SPDL1: variants seen among roughly 807,000 people sequenced by gnomAD.
The protein encoded by SPDL1 is spindle apparatus coiled-coil protein 1, also known as protein Spindly.
A neutral mutation model predicts 79.5 loss-of-function variants in SPDL1; 85 were observed. That is an observed-to-expected ratio of 1.07 (90% CI 0.90 to 1.28). The LOEUF is 1.28. SPDL1 is among the 50% of genes most tolerant of loss of function. The pLI, the probability that SPDL1 is intolerant of heterozygous loss-of-function variation, is 0.00. For synonymous variants in SPDL1, 269 were observed against 240.3 expected (o/e 1.12, Z -1.10); for missense variants, 703 against 697.8 (o/e 1.01, Z -0.08).
rs1581318803 is a variant in SPDL1 at position 169,601,204 on chromosome 5, T to A, written c.1325-76T>A. On this transcript the variant is annotated intron_variant, in intron 10 of 11. Transcript: ENST00000265295. ...GAATGGAAAAAGGTATACATATAAC[T>A]AGTTCTGGCTTCTTGTGTTGATTGT... 1.0e-5 allele frequency: 13 copies of A among 1,302,616 alleles called. No homozygotes were observed. In the South Asian group the frequency reaches 1.7e-4, roughly 17 times the overall value. The allele number at this position is 1,302,616 out of a possible 1,614,324, so 80.7% of individuals were successfully genotyped here.
intron 3 of SPDL1, 23 bp downstream of exon 3, chr5:169,591,247 G>T (rs1245615998): frequency 6.3e-7 from 1 of 1,598,982 alleles, no homozygotes; most frequent in Non-Finnish European, 8.5e-7. Context: ...GCGTATTTCA[G>T]CACAAAATAT....
chr5:169,598,255 C>G (rs1755693216), intron 8 of SPDL1, among the ~76,000 whole-genome samples: 1 of 152,164 alleles, frequency 6.6e-6, no homozygotes, highest in African/African-American at 2.4e-5. Flanking sequence ...GTTCTCTCTT[C>G]TTGGTTTACT....
intron 11 of SPDL1, among the ~76,000 whole-genome samples, chr5:169,602,539 T>C (rs946048345): frequency 2.6e-5 from 4 of 152,206 alleles, no homozygotes; most frequent in African/African-American, 9.7e-5. Flanking sequence ...GGAGACAGAT[T>C]AATAAGACAT....
intron 3 of SPDL1, among the ~76,000 whole-genome samples, chr5:169,591,486 A>G (rs975829579): frequency 2.0e-5 from 3 of 152,204 alleles, no homozygotes; most frequent in Admixed American, 6.5e-5. Context: ...AGTGACTAGC[A>G]TGGCCTCCTT....
intron 6 of SPDL1, 25 bp from the exon 7 acceptor site, chr5:169,594,546 A>T: frequency 6.2e-7 from 1 of 1,611,816 alleles, no homozygotes; most frequent in Non-Finnish European, 8.5e-7. Flanking sequence ...CTACCAGAAC[A>T]ATTAAGCATG....
intron 2 of SPDL1, 199 bp downstream of exon 2, chr5:169,588,774 A>T: frequency 2.4e-6 from 1 of 413,570 alleles, no homozygotes; most frequent in Non-Finnish European, 4.2e-6. Context: ...TCAGAGTTTG[A>T]AAGATCAAGT....
At position 169,594,405 on chromosome 5, in the gene SPDL1, A is replaced by C. The variant is rs575718505; in HGVS notation, c.693A>C (p.Val231=). 4 of 1,614,108 alleles carry C rather than the reference A, an allele frequency of 2.5e-6. No homozygotes were observed. The highest frequency in any genetic ancestry group is 2.5e-6 in the Non-Finnish European group (3 of 1,179,946). Residue 231 remains valine, a synonymous_variant, in exon 6 of 12, where the codon GTA becomes GTC. Transcript: ENST00000265295. ...SYYNALEKAR[V]ANQDLQVQLD... is the part of the protein sequence containing the mutation. Reference sequence around the variant, plus strand: ...TCTTTTGAATTTAGAAAGCTCGTGTAGCAAATCAAGATCTTCAGGTACAGT... The same window carrying C: ...TCTTTTGAATTTAGAAAGCTCGTGTCGCAAATCAAGATCTTCAGGTACAGT...
At chr5:169,597,034 GTT>G (rs1755622165) in intron 8 of SPDL1, among the ~76,000 whole-genome samples, 1 of 152,030 alleles carries the variant, frequency 6.6e-6, no homozygotes, top group African/African-American at 2.4e-5. Flanking sequence ...TATCCTATGA[GTT>G]ATAATCCATT....
At chr5:169,599,675 G>A (rs1383977973) in intron 10 of SPDL1, among the ~76,000 whole-genome samples, 2 of 152,208 alleles carry the variant, frequency 1.3e-5, no homozygotes, top group Non-Finnish European at 2.9e-5. Flanking sequence ...ATCCTGTGGA[G>A]CAGAATTTAG....
At chr5:169,596,383 A>G (rs1755578535) in intron 7 of SPDL1, among the ~76,000 whole-genome samples, 178 bp from the exon 8 acceptor site, 1 of 152,202 alleles carries the variant, frequency 6.6e-6, no homozygotes, top group Non-Finnish European at 1.5e-5. Flanking sequence ...AGTAGTCAAA[A>G]TAAGTATTCA....
intron 3 of SPDL1, among the ~76,000 whole-genome samples, chr5:169,592,203 A>T (rs1422141824): frequency 9.9e-4 from 128 of 128,850 alleles, no homozygotes; most frequent in Admixed American, 2.9e-3. Context: ...CAATGAAAGT[A>T]TTTTTTTTTC....
rs1755119125 is a variant in SPDL1, at chr5:169,588,743, ATTC to A, written c.159+171_159+173del. ...AGAATGAACTAAATGAATTCCTGTT[ATTC>A]TTTCCACCCTAGTGTATTCAGAGTT... On this transcript the variant is annotated intron_variant, in intron 2 of 11. Transcript: ENST00000265295. 3 of 522,702 alleles carry A rather than the reference ATTC, an allele frequency of 5.7e-6. No individual in the cohort carries two copies. The South Asian group carries it at 1.0e-4, about 18-fold the overall frequency. 32.4% of individuals were successfully genotyped at this position (522,702 alleles called of 1,614,324 possible).
At chr5:169,603,192 A>C (rs1286292958) in intron 11 of SPDL1, among the ~76,000 whole-genome samples, 4 of 152,176 alleles carry the variant, frequency 2.6e-5, no homozygotes, top group Non-Finnish European at 4.4e-5. Flanking sequence ...TTAGATACAC[A>C]ATCCTAAGAT....
At chr5:169,588,209 A>G (rs2288383) in intron 1 of SPDL1, among the ~76,000 whole-genome samples, 185 bp from the exon 2 acceptor site, 15,451 of 152,266 alleles carry the variant, frequency 0.1, 1,334 homozygotes, top group African/African-American at 0.24. Context: ...AATCAGTAAC[A>G]GAATTGTCAG....
chr5:169,604,020 A>AAGGATGTGATT (rs1756064793), intron 11 of SPDL1, 40 bp from the exon 12 acceptor site: 1 of 1,577,270 alleles, frequency 6.3e-7, no homozygotes, highest in Non-Finnish European at 8.6e-7. Context: ...ATCCTTCATA[A>AAGGATGTGATT]CCACATTTGA....
At chr5:169,599,830 T>C (rs1755792859) in intron 10 of SPDL1, among the ~76,000 whole-genome samples, 1 of 152,110 alleles carries the variant, frequency 6.6e-6, no homozygotes, top group Non-Finnish European at 1.5e-5. Context: ...TAATCCCAGC[T>C]CTTGGGGAGG....
chr5:169,592,843 A>ACATTAGTG (rs1237415098), intron 3 of SPDL1, among the ~76,000 whole-genome samples: 5 of 145,180 alleles, frequency 3.4e-5, no homozygotes, highest in African/African-American at 5.1e-5. Context: ...AGCAAAGAGT[A>ACATTAGTG]CATTAGTGAA....
rs866933995 is a variant in SPDL1 at position 169,601,433 on chromosome 5, G to A, written c.1478G>A (p.Ser493Asn). 6.8e-6 allele frequency: 11 copies of A among 1,613,936 alleles called. No homozygotes were observed. Among genetic ancestry groups the A allele is most frequent in the Middle Eastern group, 3.3e-4 (2 of 6,084 alleles). Reference sequence around the variant, plus strand: ...GAGGAGACACAGTCCTGCCCTAACAGTTTAGAAGATAACAACTTGCAATTA... The same window carrying A: ...GAGGAGACACAGTCCTGCCCTAACAATTTAGAAGATAACAACTTGCAATTA... ...QKEETQSCPN[S>N]LEDNNLQLEK... Residue 493 changes from serine to asparagine, a missense_variant, in exon 11 of 12, where the codon AGT (serine) becomes AAT (asparagine). Transcript: ENST00000265295.
At position 169,594,695 on chromosome 5, in the gene SPDL1, A is replaced by ACTAT; in HGVS notation, c.891+16_891+19dup. 1.9e-6 allele frequency: 3 copies of ACTAT among 1,583,688 alleles called. No homozygotes were observed. Among genetic ancestry groups the ACTAT allele is most frequent in the Non-Finnish European group, 2.6e-6 (3 of 1,154,592 alleles). ...CAGAGAATGAAGGTATAGAACTTTC[A>ACTAT]CTATCAAAGGTTTATTAAACAAATT... On this transcript the variant is annotated intron_variant, in intron 7 of 11. Coordinates refer to ENST00000265295, the MANE Select transcript of SPDL1 (RefSeq NM_017785.5).
Sources: allele counts gnomAD v4.1 joint callset (sites outside exome capture counted in the v4.1 genomes callset), GRCh38; gene constraint gnomAD v4.1.1; transcripts MANE v1.5; gene names NCBI Gene and HGNC (gene_info 2026-07-23, HGNC 2026-07-21).